Variants in PDZRN4 observed in about 807,000 individuals in gnomAD.
PDZRN4 encodes PDZ domain containing ring finger 4.
In PDZRN4, 70 loss-of-function variants were observed where a neutral mutation model predicts 99.0. That is an observed-to-expected ratio of 0.71 (90% confidence interval 0.58 to 0.86). PDZRN4 has a LOEUF of 0.86. Among genes scored for constraint, PDZRN4 ranks in the 40% least tolerant of loss-of-function variants. PDZRN4 has a pLI of 0.00. For synonymous variants in PDZRN4, 551 were observed against 501.6 expected (o/e 1.10, Z -1.32); for missense variants, 1,474 against 1,331.2 (o/e 1.11, Z -1.67).
At chr12:41,454,091 T>C (rs1952798467) in intron 3 of PDZRN4, among the ~76,000 whole-genome samples, 1 of 151,810 alleles carries the variant, frequency 6.6e-6, no homozygotes, top group Non-Finnish European at 1.5e-5. Context: ...TGCTCTGTGA[T>C]AGCCAATAAT....
intron 3 of PDZRN4, among the ~76,000 whole-genome samples, chr12:41,225,153 G>A (rs1950984527): frequency 6.6e-6 from 1 of 152,016 alleles, no homozygotes; most frequent in South Asian, 2.1e-4. Flanking sequence ...TCAAGAAATA[G>A]TACATTATGA....
intron 6 of PDZRN4, among the ~76,000 whole-genome samples, 188 bp from the exon 7 acceptor site, chr12:41,555,510 A>G (rs949883302): frequency 2.0e-5 from 3 of 152,204 alleles, no homozygotes; most frequent in African/African-American, 4.8e-5. Context: ...ATTCATGTTC[A>G]TTCTAAAATA....
chr12:41,398,546 G>T (rs1296452915), intron 3 of PDZRN4, among the ~76,000 whole-genome samples: 1 of 152,152 alleles, frequency 6.6e-6, no homozygotes, highest in East Asian at 1.9e-4. Flanking sequence ...GATTCATGGT[G>T]ATATATTTAG....
At chr12:41,421,507 T>A (rs1952490324) in intron 3 of PDZRN4, among the ~76,000 whole-genome samples, 1 of 152,282 alleles carries the variant, frequency 6.6e-6, no homozygotes, top group Middle Eastern at 3.4e-3. Context: ...TGTATCTTTT[T>A]GTTTAGGACT....
intron 3 of PDZRN4, among the ~76,000 whole-genome samples, chr12:41,370,576 T>TG (rs1417332270): frequency 6.6e-6 from 1 of 151,952 alleles, no homozygotes; most frequent in African/African-American, 2.4e-5. Flanking sequence ...GCTCAGGGCT[T>TG]GATATTTTTC....
chr12:41,514,433 A>G (rs924342024), intron 5 of PDZRN4, among the ~76,000 whole-genome samples: 27 of 152,100 alleles, frequency 1.8e-4, no homozygotes, highest in African/African-American at 6.5e-4. Context: ...TCAAAAAATA[A>G]CAAGAGGATA....
intron 3 of PDZRN4, among the ~76,000 whole-genome samples, chr12:41,334,457 A>T (rs1004781525): frequency 1.3e-5 from 2 of 151,566 alleles, no homozygotes; most frequent in African/African-American, 4.8e-5. Context: ...GATGGCACTG[A>T]TTAGTTTGCT....
intron 3 of PDZRN4, among the ~76,000 whole-genome samples, chr12:41,427,631 T>A (rs561642456): frequency 6.6e-6 from 1 of 152,364 alleles, no homozygotes; most frequent in South Asian, 2.1e-4. Context: ...ATTATCAGTT[T>A]CACAGAAATT....
At chr12:41,278,632 T>C (rs1316336690) in intron 3 of PDZRN4, among the ~76,000 whole-genome samples, 1 of 152,206 alleles carries the variant, frequency 6.6e-6, no homozygotes, top group Non-Finnish European at 1.5e-5. Flanking sequence ...AAAAACAGTC[T>C]CTTAATAATC....
intron 3 of PDZRN4, among the ~76,000 whole-genome samples, chr12:41,404,647 G>GA (rs139945113): frequency 2.1e-4 from 31 of 148,950 alleles, no homozygotes; most frequent in Admixed American, 3.4e-4. Context: ...CACAGAACTG[G>GA]AAAAAAAAAC....
intron 3 of PDZRN4, among the ~76,000 whole-genome samples, chr12:41,404,550 A>T (rs887847461): frequency 7.2e-5 from 11 of 152,170 alleles, no homozygotes; most frequent in Admixed American, 4.6e-4. Flanking sequence ...CTTGGATTAG[A>T]GGAATCACTA....
At chr12:41,194,043 C>A in intron 2 of PDZRN4, 38 bp from the exon 3 acceptor site, 1 of 942,210 alleles carries the variant, frequency 1.1e-6, no homozygotes, top group Non-Finnish European at 1.7e-6. Flanking sequence ...TTAAATTTTG[C>A]TTACATCTTT....
chr12:41,548,103 A>AT (rs1163213987), intron 5 of PDZRN4, among the ~76,000 whole-genome samples: 1 of 152,234 alleles, frequency 6.6e-6, no homozygotes, highest in Non-Finnish European at 1.5e-5. Context: ...ATGTGATTTA[A>AT]TTATTAGTTG....
At chr12:41,220,840 G>A (rs1379114725) in intron 3 of PDZRN4, among the ~76,000 whole-genome samples, 2 of 152,154 alleles carry the variant, frequency 1.3e-5, no homozygotes, top group East Asian at 3.9e-4. Flanking sequence ...CTTGTGGTTA[G>A]CACAACAATA....
intron 3 of PDZRN4, among the ~76,000 whole-genome samples, chr12:41,331,770 C>T (rs868795847): frequency 1.3e-5 from 2 of 151,940 alleles, no homozygotes; most frequent in Admixed American, 6.6e-5. Context: ...CTTTATAGGG[C>T]GGCAGGAGAG....
At chr12:41,458,647 T>G (rs1201571316) in intron 3 of PDZRN4, among the ~76,000 whole-genome samples, 1 of 152,182 alleles carries the variant, frequency 6.6e-6, no homozygotes, top group African/African-American at 2.4e-5. Context: ...GGCTAAATTC[T>G]GGGAGTTGAG....
At chr12:41,215,835 AC>A (rs1189286588) in intron 3 of PDZRN4, among the ~76,000 whole-genome samples, 2 of 137,108 alleles carry the variant, frequency 1.5e-5, no homozygotes, top group Admixed American at 1.6e-4. Context: ...CCTCATAAAC[AC>A]GCTAAGCCTC....
In PDZRN4 at chr12:41,304,139, T is replaced by C. The variant is rs192743943; in HGVS notation, c.843+109951T>C. Among the ~76,000 whole-genome samples the C allele has an allele frequency of 9.6e-4, 146 of 152,330 alleles. 1 individual carries two copies. Among genetic ancestry groups the C allele is most frequent in the African/African-American group, 3.4e-3 (142 of 41,582 alleles). ...GAGAAAGAGAGGAAATGCATTCTGG[T>C]GGCATATAGTCTCAAAGCATGGAAG... is the stretch of plus-strand genomic sequence containing the variant. On this transcript the variant is annotated intron_variant, in intron 3 of 9. Coordinates refer to ENST00000402685, the MANE Select transcript of PDZRN4 (RefSeq NM_001164595.2).
chr12:41,236,412 G>A (rs1407395839), intron 3 of PDZRN4, among the ~76,000 whole-genome samples: 5 of 152,120 alleles, frequency 3.3e-5, no homozygotes, highest in African/African-American at 9.7e-5. Flanking sequence ...CAGAGGAAAC[G>A]AAGGTGAGGC....
Sources: allele counts gnomAD v4.1 joint callset (sites outside exome capture counted in the v4.1 genomes callset), GRCh38; gene constraint gnomAD v4.1.1; transcripts MANE v1.5; gene names NCBI Gene and HGNC (gene_info 2026-07-23, HGNC 2026-07-21).